Variants in TAFA2 observed in about 807,000 individuals in gnomAD.
TAFA2 encodes chemokine-like protein TAFA-2.
In TAFA2, 7 loss-of-function variants were observed where a neutral mutation model predicts 18.8. The ratio of observed to expected loss-of-function variants is 0.37; its 90% CI spans 0.21 to 0.70. The LOEUF (loss-of-function observed/expected upper bound fraction) is 0.70, where lower values mean the gene tolerates loss of function less well. TAFA2 is among the 30% of genes least tolerant of loss of function. The pLI is 0.53. For synonymous variants in TAFA2, 60 were observed against 54.2 expected, an observed-to-expected ratio of 1.11 and a Z score of -0.47; for missense variants, 122 against 158.1, an observed-to-expected ratio of 0.77 and a Z score of 1.23.
chr12:61,870,746 A>G (rs936433093), intron 1 of TAFA2, among the ~76,000 whole-genome samples: 5 of 151,682 alleles, frequency 3.3e-5, no homozygotes. Flanking sequence ...ATTCCCACCT[A>G]CTCTTCAAAA....
At chr12:62,161,364 A>C (rs1420399238) in intron 1 of TAFA2, among the ~76,000 whole-genome samples, 12 of 152,232 alleles carry the variant, frequency 7.9e-5, no homozygotes, top group Non-Finnish European at 1.5e-5. Flanking sequence ...ATGGAATACT[A>C]TTCAGCCATA....
upstream of TAFA2, among the ~76,000 whole-genome samples, chr12:62,196,921 G>A (rs1308807081): frequency 6.6e-6 from 1 of 151,994 alleles, no homozygotes; most frequent in Non-Finnish European, 1.5e-5. Flanking sequence ...AGCAAAGAAG[G>A]GGTCTCCAAC....
chr12:62,188,076 T>C (rs2062597710), intron 1 of TAFA2, among the ~76,000 whole-genome samples: 1 of 152,224 alleles, frequency 6.6e-6, no homozygotes, highest in Admixed American at 6.5e-5. Flanking sequence ...GCAGCTGGTT[T>C]GGCCTTCATA....
chr12:61,742,091 C>T (rs540697223), intron 4 of TAFA2, among the ~76,000 whole-genome samples: 3 of 152,218 alleles, frequency 2.0e-5, no homozygotes, highest in South Asian at 2.1e-4. Flanking sequence ...GATTGGGTTT[C>T]ACCATGTTGG....
chr12:61,898,841 G>T (rs983603486), intron 1 of TAFA2, among the ~76,000 whole-genome samples: 3 of 152,288 alleles, frequency 2.0e-5, no homozygotes, highest in South Asian at 2.1e-4. Context: ...TAGAAAATGG[G>T]TTTTTCTTTT....
chr12:61,721,204 T>C (rs923990933), intron 4 of TAFA2, among the ~76,000 whole-genome samples: 7 of 152,174 alleles, frequency 4.6e-5, no homozygotes, highest in Admixed American at 2.0e-4. Flanking sequence ...CAGTAAGCAT[T>C]TCTTGTGAGT....
intron 1 of TAFA2, among the ~76,000 whole-genome samples, chr12:61,919,381 G>T (rs1876955328): frequency 6.6e-6 from 1 of 151,960 alleles, no homozygotes; most frequent in African/African-American, 2.4e-5. Context: ...TACTCTTTTT[G>T]CCTAGAAAAC....
intron 2 of TAFA2, among the ~76,000 whole-genome samples, chr12:61,767,883 A>G (rs540959863): frequency 6.6e-6 from 1 of 152,246 alleles, no homozygotes; most frequent in South Asian, 2.1e-4. Flanking sequence ...ATCTCAACTA[A>G]GCTTTTCATT....
chr12:61,955,430 C>T (rs1313269705), intron 1 of TAFA2, among the ~76,000 whole-genome samples: 2 of 149,936 alleles, frequency 1.3e-5, no homozygotes, highest in Non-Finnish European at 1.5e-5. Flanking sequence ...GGTGAAACCC[C>T]GTCTCTATTA....
At chr12:61,928,125 C>A (rs1344455847) in intron 1 of TAFA2, among the ~76,000 whole-genome samples, 1 of 152,166 alleles carries the variant, frequency 6.6e-6, no homozygotes, top group Non-Finnish European at 1.5e-5. Context: ...ACTAAAACAT[C>A]AAAATCAATG....
intron 1 of TAFA2, among the ~76,000 whole-genome samples, chr12:62,179,591 A>G (rs1460728176): frequency 6.6e-6 from 1 of 152,182 alleles, no homozygotes; most frequent in African/African-American, 2.4e-5. Context: ...AGACTGAGGC[A>G]GGACACTCGG....
intron 1 of TAFA2, chr12:62,235,198 T>C (rs2062831149): frequency 1.5e-5 from 10 of 662,086 alleles, no homozygotes; most frequent in Middle Eastern, 2.6e-4. Context: ...CGGAAAGGAG[T>C]GGGAGTCGCT....
chr12:61,800,254 T>G (rs1328459209), intron 2 of TAFA2, among the ~76,000 whole-genome samples: 1 of 152,176 alleles, frequency 6.6e-6, no homozygotes, highest in Non-Finnish European at 1.5e-5. Context: ...CACCACAACC[T>G]TAGGAAGTTG....
At chr12:62,062,644 A>G (rs1443830102) in intron 1 of TAFA2, among the ~76,000 whole-genome samples, 1 of 152,194 alleles carries the variant, frequency 6.6e-6, no homozygotes, top group Non-Finnish European at 1.5e-5. Flanking sequence ...GACTTAAAAC[A>G]ACATAAACTT....
At chr12:62,012,975 A>T (rs1030621041) in intron 1 of TAFA2, among the ~76,000 whole-genome samples, 5 of 152,182 alleles carry the variant, frequency 3.3e-5, no homozygotes, top group Non-Finnish European at 7.4e-5. Context: ...CTCCTTATTA[A>T]AATGCTGGAA....
intron 4 of TAFA2, among the ~76,000 whole-genome samples, chr12:61,735,771 A>C (rs1868293962): frequency 6.6e-6 from 1 of 151,568 alleles, no homozygotes; most frequent in African/African-American, 2.4e-5. Context: ...ATAATTCACT[A>C]TTGTATATTA....
intron 1 of TAFA2, among the ~76,000 whole-genome samples, chr12:62,103,656 G>A (rs183083625): frequency 4.6e-5 from 7 of 152,036 alleles, no homozygotes; most frequent in East Asian, 1.9e-4. Flanking sequence ...CAGGAGAACC[G>A]CTTGAACCCG....
chr12:61,830,542 A>G (rs1234647446), intron 2 of TAFA2, among the ~76,000 whole-genome samples: 2 of 151,936 alleles, frequency 1.3e-5, no homozygotes, highest in Non-Finnish European at 2.9e-5. Flanking sequence ...GAAGCTAAAT[A>G]ACGTGTACAC....
chr12:62,120,919 G>C (rs1870167087), intron 1 of TAFA2, among the ~76,000 whole-genome samples: 1 of 151,934 alleles, frequency 6.6e-6, no homozygotes. Context: ...GCAATGGCGT[G>C]ATCTCGGCTC....
Sources: allele counts gnomAD v4.1 joint callset (sites outside exome capture counted in the v4.1 genomes callset), GRCh38; gene constraint gnomAD v4.1.1; transcripts MANE v1.5; gene names NCBI Gene and HGNC (gene_info 2026-07-23, HGNC 2026-07-21).